Variants in ETV6 observed in about 807,000 individuals in gnomAD.
The protein encoded by ETV6 is ETS variant transcription factor 6, also known as transcription factor ETV6.
In ETV6, 16 loss-of-function variants were observed where a neutral mutation model predicts 51.1. The observed-to-expected ratio is 0.31, with a 90% CI of 0.21 to 0.48. ETV6 has a LOEUF of 0.48. ETV6 is among the 20% of genes least tolerant of loss of function. The pLI, the probability that ETV6 is intolerant of heterozygous loss-of-function variation, is 0.99. For synonymous variants in ETV6, 240 were observed against 224.1 expected (o/e 1.07, Z -0.64); for missense variants, 458 against 594.8 (o/e 0.77, Z 2.39).
At chr12:11,828,789 T>C (rs542340016) in intron 2 of ETV6, among the ~76,000 whole-genome samples, 13 of 152,334 alleles carry the variant, frequency 8.5e-5, no homozygotes, top group African/African-American at 3.1e-4. Flanking sequence ...CCCCTCCCCA[T>C]TATCTTTTTT....
At chr12:11,808,035 A>G (rs1945854983) in intron 2 of ETV6, among the ~76,000 whole-genome samples, 1 of 152,246 alleles carries the variant, frequency 6.6e-6, no homozygotes, top group Non-Finnish European at 1.5e-5. Context: ...ATGAAATCAT[A>G]AAAAAGAAAC....
intron 2 of ETV6, 44 bp downstream of exon 2, chr12:11,752,623 G>A (rs749403459): frequency 1.9e-6 from 3 of 1,572,494 alleles, no homozygotes; most frequent in African/African-American, 2.7e-5. Flanking sequence ...TGATGGCGTG[G>A]GGCGGGGGTG....
At chr12:11,713,787 C>T (rs527585889) in intron 1 of ETV6, among the ~76,000 whole-genome samples, 1 of 152,172 alleles carries the variant, frequency 6.6e-6, no homozygotes, top group Non-Finnish European at 1.5e-5. Context: ...CTTGGATGTT[C>T]ATTAGAATCA....
At chr12:11,837,728 A>G (rs985134241) in intron 2 of ETV6, among the ~76,000 whole-genome samples, 1 of 152,234 alleles carries the variant, frequency 6.6e-6, no homozygotes, top group African/African-American at 2.4e-5. Context: ...TCTTAGCAAC[A>G]CTGATGCCAT....
At chr12:11,678,297 A>G (rs1864459350) in intron 1 of ETV6, among the ~76,000 whole-genome samples, 1 of 152,184 alleles carries the variant, frequency 6.6e-6, no homozygotes, top group African/African-American at 2.4e-5. Context: ...ATGCTGATCA[A>G]CTGCCCGAGG....
chr12:11,867,321 C>T (rs1055003816), intron 4 of ETV6, among the ~76,000 whole-genome samples: 1 of 152,092 alleles, frequency 6.6e-6, no homozygotes, highest in African/African-American at 2.4e-5. Context: ...GATGCTAGTC[C>T]TTAGCAAAAT....
intron 3 of ETV6, among the ~76,000 whole-genome samples, chr12:11,852,208 GGTTT>G (rs894889022): frequency 3.3e-5 from 5 of 152,200 alleles, no homozygotes; most frequent in Admixed American, 6.5e-5. Context: ...CAGGTTTTGG[GGTTT>G]GTTTATTTTT....
At chr12:11,877,366 C>G (rs1245832882) in intron 5 of ETV6, among the ~76,000 whole-genome samples, 1 of 151,220 alleles carries the variant, frequency 6.6e-6, no homozygotes, top group Non-Finnish European at 1.5e-5. Context: ...TAAAAGACCT[C>G]GTAAAAGAGA....
chr12:11,705,840 A>G (rs1865064133), intron 1 of ETV6, among the ~76,000 whole-genome samples: 1 of 152,212 alleles, frequency 6.6e-6, no homozygotes. Context: ...CACCATGAGA[A>G]AGCAGGCCAG....
At chr12:11,711,407 A>G (rs774165975) in intron 1 of ETV6, among the ~76,000 whole-genome samples, 37 of 152,190 alleles carry the variant, frequency 2.4e-4, no homozygotes, top group African/African-American at 8.2e-4. Context: ...TTAGTTTTCT[A>G]TATTTCATTT....
At chr12:11,749,513 G>A (rs1865980985) in intron 1 of ETV6, among the ~76,000 whole-genome samples, 1 of 152,186 alleles carries the variant, frequency 6.6e-6, no homozygotes, top group Admixed American at 6.5e-5. Flanking sequence ...TGGGAAATTA[G>A]ACGTTAGTGT....
intron 5 of ETV6, among the ~76,000 whole-genome samples, chr12:11,872,563 G>A (rs986135880): frequency 4.1e-5 from 6 of 148,086 alleles, no homozygotes; most frequent in African/African-American, 9.9e-5. Context: ...ATGCAATCTC[G>A]GCTCATTGCA....
In ETV6 at chr12:11,752,301, C is replaced by G. The variant is rs543986652; in HGVS notation, c.34-149C>G. The G allele has an allele frequency of 9.1e-6, 7 of 767,204 alleles. No individual in the cohort carries two copies. In the African/African-American group the frequency reaches 1.2e-4, roughly 13 times the overall value. The allele number at this position is 767,204 out of a possible 1,614,324, so 47.5% of individuals were successfully genotyped here. A position where few individuals can be genotyped will look rare whatever the true frequency, so the allele number is the denominator to read the frequency against. ...AAGACAACTGTATACAGTGTCTCTA[C>G]GGAGAGAGTAAGCCGGATTGCTTGG... On this transcript the variant is annotated intron_variant, in intron 1 of 7. Transcript: ENST00000396373.
rs1455480271 is a variant in ETV6, at chr12:11,892,841, G to A, written c.*1795G>A. 8.6e-6 allele frequency: 2 copies of A among 232,882 alleles called. No individual in the cohort carries two copies. Among genetic ancestry groups the A allele is most frequent in the South Asian group, 1.8e-4 (1 of 5,528 alleles). The allele number at this position is 232,882 out of a possible 1,614,324, so 14.4% of individuals were successfully genotyped here. A position where few individuals can be genotyped will look rare whatever the true frequency, so the allele number is the denominator to read the frequency against. On this transcript the variant is annotated 3_prime_UTR_variant, in exon 8 of 8. Coordinates refer to ENST00000396373, the MANE Select transcript of ETV6 (RefSeq NM_001987.5). ...TTACTGACAAGGACACCAACCTAGG[G>A]TGCAAACAGATGGACTATGGTTCAA... is the stretch of plus-strand genomic sequence containing the variant.
At chr12:11,745,488 T>A (rs1865890845) in intron 1 of ETV6, among the ~76,000 whole-genome samples, 1 of 152,240 alleles carries the variant, frequency 6.6e-6, no homozygotes, top group Non-Finnish European at 1.5e-5. Flanking sequence ...TTTGAAGACA[T>A]CTCCGAGAAG....
At chr12:11,863,155 C>T (rs2238131) in intron 4 of ETV6, among the ~76,000 whole-genome samples, 9,560 of 152,242 alleles carry the variant, frequency 0.063, 365 homozygotes, top group East Asian at 0.15. Flanking sequence ...TCGGTCAAAA[C>T]TTTCACTAAA....
chr12:11,713,630 A>C (rs1161685666), intron 1 of ETV6, among the ~76,000 whole-genome samples: 1 of 152,138 alleles, frequency 6.6e-6, no homozygotes, highest in East Asian at 1.9e-4. Flanking sequence ...GCTTTCCCTG[A>C]GCACCTTATA....
Position 11,869,440 on chromosome 12 carries a change from G to C in ETV6, c.480G>C (p.Arg160Ser), listed in dbSNP as rs1353564952. The C allele has an allele frequency of 1.2e-6, 2 of 1,610,496 alleles. No homozygotes were observed. The highest frequency in any genetic ancestry group is 1.7e-6 in the Non-Finnish European group (2 of 1,177,984). Residue 160 changes from arginine (R) to serine (S), a missense_variant, in exon 5 of 8, where the codon AGG becomes AGC. Coordinates refer to ENST00000396373, the MANE Select transcript of ETV6 (RefSeq NM_001987.5). The surrounding 1 kb of genome is among the most constrained non-coding windows in gnomAD (Gnocchi z 5.0). Reference protein sequence around the residue: ...QNHEEDNCVQRTPRPSVDNVH... With the variant: ...QNHEEDNCVQSTPRPSVDNVH... ...GCTCCACAGATAACTGTGTCCAGAG[G>C]ACCCCCAGGCCATCCGTGGATAATG...
chr12:11,657,372 C>A (rs1231220496), intron 1 of ETV6, among the ~76,000 whole-genome samples: 4 of 152,168 alleles, frequency 2.6e-5, no homozygotes, highest in African/African-American at 7.2e-5. Context: ...GAAAGCATAG[C>A]TTCCTTTTGA....
Sources: allele counts gnomAD v4.1 joint callset (sites outside exome capture counted in the v4.1 genomes callset), GRCh38; gene constraint gnomAD v4.1.1; non-coding constraint Gnocchi (gnomAD v3.1); transcripts MANE v1.5; gene names NCBI Gene and HGNC (gene_info 2026-07-23, HGNC 2026-07-21).